Variants in JAKMIP1 observed in about 807,000 individuals in gnomAD.
JAKMIP1 encodes the protein janus kinase and microtubule-interacting protein 1.
Under a neutral mutation model 113.0 loss-of-function variants are expected in JAKMIP1, and 33 were observed. The ratio of observed to expected loss-of-function variants is 0.29; its 90% CI spans 0.22 to 0.39. The LOEUF (loss-of-function observed/expected upper bound fraction) is 0.39, where lower values mean the gene tolerates loss of function less well. JAKMIP1 is among the 10% of genes least tolerant of loss of function. JAKMIP1 has a pLI of 1.00. For synonymous variants in JAKMIP1, 480 were observed against 459.9 expected (o/e 1.04, Z -0.56); for missense variants, 813 against 1,080.5 (o/e 0.75, Z 3.47).
chr4:6,149,161 T>C (rs1002614979), intron 1 of JAKMIP1, among the ~76,000 whole-genome samples: 1 of 151,062 alleles, frequency 6.6e-6, no homozygotes, highest in African/African-American at 2.5e-5. Flanking sequence ...AGCTGAATGC[T>C]TTGTCGGGTC....
In JAKMIP1 at chr4:6,080,330, C is replaced by G. The variant is rs1464446744; in HGVS notation, c.1102-18G>C. On this transcript the variant is annotated intron_variant, in intron 6 of 20. Transcript: ENST00000409021. The surrounding 1 kb of genome is among the most constrained non-coding windows in gnomAD (Gnocchi z 6.0). ...TTTTCTTTCTGCAGCCACAGGGAGA[C>G]AGACCACCACAGGGTTACCCGCCAA... The G allele has an allele frequency of 6.2e-7, 1 of 1,611,538 alleles. No individual in the cohort carries two copies. The highest frequency in any genetic ancestry group is 8.5e-7 in the Non-Finnish European group (1 of 1,178,766).
At chr4:6,121,858 T>G (rs749610932) in intron 1 of JAKMIP1, among the ~76,000 whole-genome samples, 3 of 152,234 alleles carry the variant, frequency 2.0e-5, no homozygotes, top group Non-Finnish European at 2.9e-5. Context: ...GTGGACCAGA[T>G]TTGACCTGTG....
chr4:6,070,500 C>T (rs181793358), intron 8 of JAKMIP1, among the ~76,000 whole-genome samples: 52 of 152,374 alleles, frequency 3.4e-4, no homozygotes, highest in Non-Finnish European at 6.8e-4. Context: ...TCACAGAGGA[C>T]AGCCTCCGAA....
intron 20 of JAKMIP1, among the ~76,000 whole-genome samples, chr4:6,028,397 C>A (rs1018349914): frequency 2.0e-5 from 3 of 152,190 alleles, no homozygotes; most frequent in Non-Finnish European, 4.4e-5. Flanking sequence ...ACTTGCGACC[C>A]GGCAGGGCCC....
rs949079282 is a variant in JAKMIP1 at position 6,069,766 on chromosome 4, A to G, written c.1303-4758T>C. ...AGATCCTGTCTCAAAAAAAAAAAAA[A>G]AAAGATTCAGTTTTGGCAAAATGAA... On this transcript the variant is annotated intron_variant, in intron 8 of 20. Transcript: ENST00000409021. The surrounding 1 kb of genome is among the most constrained non-coding windows in gnomAD (Gnocchi z 4.5). Among the ~76,000 whole-genome samples the G allele has an allele frequency of 2.6e-5, 4 of 151,930 alleles. No homozygotes were observed. Among genetic ancestry groups the G allele is most frequent in the Non-Finnish European group, 4.4e-5 (3 of 67,996 alleles).
Position 6,049,029 on chromosome 4 carries a change from TTA to T in JAKMIP1, c.1963-109_1963-108del. The T allele has an allele frequency of 1.2e-6, 1 of 836,534 alleles. No individual in the cohort carries two copies. Among genetic ancestry groups the T allele is most frequent in the Admixed American group, 2.0e-5 (1 of 48,996 alleles). The allele number at this position is 836,534 out of a possible 1,614,324, so 51.8% of individuals were successfully genotyped here. A position where few individuals can be genotyped will look rare whatever the true frequency, so the allele number is the denominator to read the frequency against. ...TTTTTCGTTGTTGTTGTTTGTTTTA[TTA>T]TGTTTGTTTGTTTTGAGACGGAGTC... On this transcript the variant is annotated intron_variant, in intron 15 of 20. Coordinates refer to ENST00000409021, the MANE Select transcript of JAKMIP1 (RefSeq NM_001099433.2). The surrounding 1 kb of genome is among the most constrained non-coding windows in gnomAD (Gnocchi z 7.0).
At chr4:6,173,649 C>A (rs919218963) in intron 1 of JAKMIP1, among the ~76,000 whole-genome samples, 1 of 152,204 alleles carries the variant, frequency 6.6e-6, no homozygotes, top group Non-Finnish European at 1.5e-5. Flanking sequence ...TTTTCCTTAT[C>A]CCATTTTTCT....
rs1287464736 is a variant in JAKMIP1 at position 6,106,512 on chromosome 4, G to A, written c.130-545C>T. Among the ~76,000 whole-genome samples, 14 of 151,396 alleles carry A rather than the reference G, an allele frequency of 9.2e-5. No homozygotes were observed. The highest frequency in any genetic ancestry group is 9.2e-4 in the Admixed American group (14 of 15,220). Reference sequence around the variant, plus strand: ...CCCTCACGGTCTTGGGAAGGAAGTAGCGTGCTCCCTCTCTTTCTCCCTCTC... The same window carrying A: ...CCCTCACGGTCTTGGGAAGGAAGTAACGTGCTCCCTCTCTTTCTCCCTCTC... On this transcript the variant is annotated intron_variant, in intron 2 of 20. Coordinates refer to ENST00000409021, the MANE Select transcript of JAKMIP1 (RefSeq NM_001099433.2). This position sits in a 1 kb window ranked among gnomAD's most constrained non-coding sequence, Gnocchi z 5.9.
At chr4:6,101,349 T>A (rs1420565460) in intron 3 of JAKMIP1, among the ~76,000 whole-genome samples, 1 of 152,086 alleles carries the variant, frequency 6.6e-6, no homozygotes, top group Non-Finnish European at 1.5e-5. Flanking sequence ...AAGATCATCC[T>A]CTCTATAGTG....
chr4:6,079,281 T>G lies in JAKMIP1; in HGVS notation c.1243-283A>C, dbSNP rs373180664. Among the ~76,000 whole-genome samples the G allele has an allele frequency of 7.6e-4, 116 of 152,264 alleles. 2 individuals carry two copies. In the South Asian group the frequency reaches 0.024, roughly 31 times the overall value. On this transcript the variant is annotated intron_variant, in intron 7 of 20. Transcript: ENST00000409021. ...AAAGATGGATGGATAGATAGATGTATGCATAGATAAGTGGATGGAAGGATG... is the reference window on the plus strand; with the variant it reads ...AAAGATGGATGGATAGATAGATGTAGGCATAGATAAGTGGATGGAAGGATG...
In JAKMIP1 at chr4:6,143,499, G is replaced by A. The variant is rs1720438826; in HGVS notation, c.-147-30502C>T. ...CACTCCACAATGGGACAAGAGGCAG[G>A]CCTGCTGGATCCGGCCTGGGTCCCA... On this transcript the variant is annotated intron_variant, in intron 1 of 20. Coordinates refer to ENST00000409021, the MANE Select transcript of JAKMIP1 (RefSeq NM_001099433.2). This position sits in a 1 kb window ranked among gnomAD's most constrained non-coding sequence, Gnocchi z 4.9. 6.6e-6 allele frequency among the ~76,000 whole-genome samples: 1 copy of A among 152,216 alleles called. No individual in the cohort carries two copies. Among genetic ancestry groups the A allele is most frequent in the Admixed American group, 6.5e-5 (1 of 15,284 alleles).
rs1351122187 is a variant in JAKMIP1, at chr4:6,094,891, G to A, written c.625-9262C>T. Among the ~76,000 whole-genome samples the A allele has an allele frequency of 6.6e-6, 1 of 152,098 alleles. No individual in the cohort carries two copies. Among genetic ancestry groups the A allele is most frequent in the Admixed American group, 6.5e-5 (1 of 15,286 alleles). On this transcript the variant is annotated intron_variant, in intron 3 of 20. Transcript: ENST00000409021. The surrounding 1 kb of genome is among the most constrained non-coding windows in gnomAD (Gnocchi z 4.2). The stretch of plus-strand genomic sequence containing the variant: ...CCTGGCTATTCAGGAGGCTGAGGTG[G>A]GAGGATTGCTTGAGCCTGGAAGGTA...
rs1476488496 is a variant in JAKMIP1, at chr4:6,167,355, C to G, written c.-148+32898G>C. On this transcript the variant is annotated intron_variant, in intron 1 of 20. Coordinates refer to ENST00000409021, the MANE Select transcript of JAKMIP1 (RefSeq NM_001099433.2). The surrounding 1 kb of genome is among the most constrained non-coding windows in gnomAD (Gnocchi z 5.3). ...TTGTCTCCCTCCAGCCTCCTCTGCT[C>G]TGGCCTGGACCACTCCAGCCACCTC... Among the ~76,000 whole-genome samples the G allele has an allele frequency of 6.6e-6, 1 of 151,674 alleles. No individual in the cohort carries two copies.
At chr4:6,170,454 T>TCAC (rs1169801590) in intron 1 of JAKMIP1, among the ~76,000 whole-genome samples, 1 of 143,462 alleles carries the variant, frequency 7.0e-6, no homozygotes, top group African/African-American at 2.6e-5. Context: ...TCCATCACCA[T>TCAC]CACCACCACC....
rs1450493561 is a variant in JAKMIP1, at chr4:6,178,406, T to C, written c.-148+21847A>G. ...GGGGGCAGTTTACCCCATACTATTC[T>C]CATGATAGTGAGTAAGCTCTATTTG... On this transcript the variant is annotated intron_variant, in intron 1 of 20. Transcript: ENST00000409021. This position sits in a 1 kb window ranked among gnomAD's most constrained non-coding sequence, Gnocchi z 5.5. Among the ~76,000 whole-genome samples the C allele has an allele frequency of 2.0e-5, 3 of 152,210 alleles. No homozygotes were observed. Among genetic ancestry groups the C allele is most frequent in the Non-Finnish European group, 4.4e-5 (3 of 68,038 alleles).
In JAKMIP1 at chr4:6,036,029, C is replaced by T. The variant is rs1285016699; in HGVS notation, c.2254G>A (p.Glu752Lys). 2 of 1,553,508 alleles carry T rather than the reference C, an allele frequency of 1.3e-6. No individual in the cohort carries two copies. Among genetic ancestry groups the T allele is most frequent in the Non-Finnish European group, 1.7e-6 (2 of 1,148,004 alleles). ...GCCTGCAGGTCCTCCCGCTGGCCCTCGCTCAGCGCCTCACCGGCCCTCCGC... is the reference window on the plus strand; with the variant it reads ...GCCTGCAGGTCCTCCCGCTGGCCCTTGCTCAGCGCCTCACCGGCCCTCCGC... ...PGRRAGEALS[E>K]GQREDLQAAV... is the part of the protein sequence containing the mutation. Residue 752 changes from glutamate (E) to lysine (K), a missense_variant, in exon 19 of 21, where the codon GAG (glutamate) becomes AAG (lysine). Around this residue, in one of 2 missense-constraint regions of JAKMIP1, gnomAD observed 273 missense variants for 426.6 expected, o/e 0.64. Transcript: ENST00000409021.
At chr4:6,145,638 T>C (rs866247092) in intron 1 of JAKMIP1, among the ~76,000 whole-genome samples, 13 of 152,304 alleles carry the variant, frequency 8.5e-5, no homozygotes, top group Middle Eastern at 6.8e-3. Context: ...CAACCTATAT[T>C]TGTGTGCTAG....
At position 6,084,904 on chromosome 4, in the gene JAKMIP1, G is replaced by A. The variant is rs1482499731; in HGVS notation, c.896C>T (p.Ser299Leu). 6.9e-7 allele frequency: 1 copy of A among 1,458,256 alleles called. No individual in the cohort carries two copies. Among genetic ancestry groups the A allele is most frequent in the Non-Finnish European group, 9.2e-7 (1 of 1,091,890 alleles). 90.3% of individuals were successfully genotyped at this position (1,458,256 alleles called of 1,614,324 possible). Residue 299 changes from serine to leucine, a missense_variant, in exon 5 of 21, where the codon TCA becomes TTA. By Grantham distance (145) the Ser-to-Leu change is moderately radical. Coordinates refer to ENST00000409021, the MANE Select transcript of JAKMIP1 (RefSeq NM_001099433.2). ...TCTGTCTTCCAGCTTCCGTATCACT[G>A]AATTCAGTTCAGCAATTTTTAGTTG... ...RFQLKIAELN[S>L]VIRKLEDRNT...
chr4:6,154,497 C>T lies in JAKMIP1; in HGVS notation c.-147-41500G>A, dbSNP rs1438716318. On this transcript the variant is annotated intron_variant, in intron 1 of 20. Transcript: ENST00000409021. This position sits in a 1 kb window ranked among gnomAD's most constrained non-coding sequence, Gnocchi z 4.2. ...AGGAATTTGTCAGATGTCTATAGTCCTTTAAAAAAAAAAAAAAGCAGGGGG... is the reference window on the plus strand; with the variant it reads ...AGGAATTTGTCAGATGTCTATAGTCTTTTAAAAAAAAAAAAAAGCAGGGGG... 2.1e-5 allele frequency among the ~76,000 whole-genome samples: 3 copies of T among 145,670 alleles called. No homozygotes were observed. The highest frequency in any genetic ancestry group is 2.0e-4 in the Admixed American group (3 of 14,724).
Sources: allele counts gnomAD v4.1 joint callset (sites outside exome capture counted in the v4.1 genomes callset), GRCh38; gene constraint gnomAD v4.1.1; regional missense constraint gnomAD v4.1.1; non-coding constraint Gnocchi (gnomAD v3.1); transcripts MANE v1.5; gene names NCBI Gene and HGNC (gene_info 2026-07-23, HGNC 2026-07-21).